The following CHN2 variants were observed in gnomAD, a reference collection of about 807,000 sequenced individuals.
CHN2 encodes the protein beta-chimaerin.
CHN2 carries 35 observed loss-of-function variants against 56.3 expected under a neutral mutation model. The observed-to-expected ratio is 0.62, with a 90% CI of 0.47 to 0.82. The LOEUF (loss-of-function observed/expected upper bound fraction) is 0.82, where lower values mean the gene tolerates loss of function less well. CHN2 is among the 40% of genes least tolerant of loss of function. CHN2 has a pLI of 0.00. For missense variants in CHN2, 491 were observed against 580.5 expected (o/e 0.85, Z 1.58); for synonymous variants, 210 against 212.8 (o/e 0.99, Z 0.12).
Position 29,198,002 on chromosome 7 carries a change from T to C in CHN2, c.49+3012T>C, listed in dbSNP as rs750899787. On this transcript the variant is annotated intron_variant, in intron 1 of 12. Coordinates refer to ENST00000222792, the MANE Select transcript of CHN2 (RefSeq NM_004067.4). Reference sequence around the variant, plus strand: ...GAGATGGGTAAGTTCATGGCATTATTTTGACTTTCTTTCTTGGGAAAGTTA... The same window carrying C: ...GAGATGGGTAAGTTCATGGCATTATCTTGACTTTCTTTCTTGGGAAAGTTA... 50 of 456,164 alleles carry C rather than the reference T, an allele frequency of 1.1e-4. No homozygotes were observed. The Middle Eastern group carries it at 2.6e-3, about 24-fold the overall frequency. 28.3% of individuals were successfully genotyped at this position (456,164 alleles called of 1,614,324 possible).
At chr7:29,250,995 C>A (rs1472315569) in intron 1 of CHN2, among the ~76,000 whole-genome samples, 1 of 152,176 alleles carries the variant, frequency 6.6e-6, no homozygotes, top group Non-Finnish European at 1.5e-5. Context: ...CAGGCATGAG[C>A]CACTGCACCC....
chr7:29,263,082 G>A (rs540460554), intron 1 of CHN2, among the ~76,000 whole-genome samples: 61 of 152,228 alleles, frequency 4.0e-4, no homozygotes, highest in Non-Finnish European at 6.5e-4. Context: ...ATGCCGAGCC[G>A]AGGCTGGACT....
At chr7:29,471,304 G>T (rs2128145118) in intron 6 of CHN2, among the ~76,000 whole-genome samples, 1 of 152,306 alleles carries the variant, frequency 6.6e-6, no homozygotes, top group East Asian at 1.9e-4. Context: ...GATCCTTAAT[G>T]CAACACAAAG....
chr7:29,272,847 T>C (rs539678947), intron 1 of CHN2, among the ~76,000 whole-genome samples: 1 of 152,288 alleles, frequency 6.6e-6, no homozygotes, highest in East Asian at 1.9e-4. Context: ...TTATAGGATA[T>C]ATATAGACAG....
chr7:29,209,307 T>A (rs1784752878), intron 1 of CHN2, among the ~76,000 whole-genome samples: 1 of 152,094 alleles, frequency 6.6e-6, no homozygotes, highest in Non-Finnish European at 1.5e-5. Context: ...AACAAAACAC[T>A]GAGAATTCCA....
At chr7:29,275,572 T>G (rs1791127034) in intron 1 of CHN2, among the ~76,000 whole-genome samples, 1 of 152,194 alleles carries the variant, frequency 6.6e-6, no homozygotes, top group Admixed American at 6.5e-5. Context: ...GAACAATTGC[T>G]AATATTTGTG....
intron 1 of CHN2, among the ~76,000 whole-genome samples, chr7:29,230,629 C>A (rs959205840): frequency 6.6e-6 from 1 of 152,174 alleles, no homozygotes; most frequent in African/African-American, 2.4e-5. Context: ...GCGTGAGCCA[C>A]CATGCCAGGC....
At chr7:29,181,136 C>T (rs559024161) in intron 2 of CHN2, among the ~76,000 whole-genome samples, 4 of 152,328 alleles carry the variant, frequency 2.6e-5, no homozygotes, top group South Asian at 4.1e-4. Context: ...TTCTAATTCT[C>T]AGTCATGATA....
At chr7:29,399,810 A>G (rs1348515582) in intron 5 of CHN2, among the ~76,000 whole-genome samples, 3 of 152,176 alleles carry the variant, frequency 2.0e-5, no homozygotes, top group South Asian at 2.1e-4. Context: ...CTATTATATC[A>G]TGCGCTCTAG....
rs1344777163 is a variant in CHN2 at position 29,351,530 on chromosome 7, T to C, written c.50-3095T>C. On this transcript the variant is annotated intron_variant, in intron 1 of 12. Coordinates refer to ENST00000222792, the MANE Select transcript of CHN2 (RefSeq NM_004067.4). Reference sequence around the variant, plus strand: ...CTCTCTGTGAGGAGAGTGACTGGCATAGGGGGAAGGCCACTTTACAGGAAC... The same window carrying C: ...CTCTCTGTGAGGAGAGTGACTGGCACAGGGGGAAGGCCACTTTACAGGAAC... Among the ~76,000 whole-genome samples the C allele has an allele frequency of 3.9e-5, 6 of 152,030 alleles. No individual in the cohort carries two copies. The South Asian group carries it at 6.2e-4, about 16-fold the overall frequency.
chr7:29,306,501 A>G (rs982679431), intron 1 of CHN2, among the ~76,000 whole-genome samples: 1 of 152,162 alleles, frequency 6.6e-6, no homozygotes, highest in Non-Finnish European at 1.5e-5. Flanking sequence ...GAGAGTGCTG[A>G]TTGGTCAGAA....
rs1390779628 is a variant in CHN2, at chr7:29,513,760, T to G, written c.*1025T>G. 2.6e-5 allele frequency: 4 copies of G among 152,656 alleles called. No homozygotes were observed. Among genetic ancestry groups the G allele is most frequent in the Non-Finnish European group, 4.4e-5 (3 of 68,044 alleles). 9.5% of individuals were successfully genotyped at this position (152,656 alleles called of 1,614,324 possible). On this transcript the variant is annotated 3_prime_UTR_variant, in exon 13 of 13. Transcript: ENST00000222792. Reference sequence around the variant, plus strand: ...ATTCTTGTTTTACAAACCTATTTTTTAAAGTGAGAATAAGGTTGGTTTTTA... The same window carrying G: ...ATTCTTGTTTTACAAACCTATTTTTGAAAGTGAGAATAAGGTTGGTTTTTA...
At chr7:29,339,743 C>G (rs1245200469) in intron 1 of CHN2, among the ~76,000 whole-genome samples, 1 of 151,854 alleles carries the variant, frequency 6.6e-6, no homozygotes. Context: ...ATCCCAGCTA[C>G]TTGGGAGGCT....
intron 9 of CHN2, among the ~76,000 whole-genome samples, chr7:29,503,867 A>G (rs1412054406): frequency 6.6e-6 from 1 of 152,224 alleles, no homozygotes; most frequent in East Asian, 1.9e-4. Flanking sequence ...TGTGACATAC[A>G]AAGTCTGAAA....
intron 2 of CHN2, among the ~76,000 whole-genome samples, chr7:29,358,957 A>G (rs530740526): frequency 8.9e-4 from 135 of 152,304 alleles, no homozygotes; most frequent in Non-Finnish European, 1.4e-3. Context: ...CCGCTTTCCT[A>G]GATTTCACCC....
chr7:29,355,560 G>A (rs1442997050), intron 2 of CHN2, among the ~76,000 whole-genome samples: 1 of 151,928 alleles, frequency 6.6e-6, no homozygotes, highest in East Asian at 1.9e-4. Flanking sequence ...GAACTCCCCA[G>A]TGAGAGAGGG....
At chr7:29,176,369 A>T (rs1306733669) in intron 2 of CHN2, among the ~76,000 whole-genome samples, 2 of 152,270 alleles carry the variant, frequency 1.3e-5, no homozygotes, top group South Asian at 4.1e-4. Context: ...AAAAAGAAAA[A>T]AAAATGCCAA....
chr7:29,487,908 C>T (rs765862046), intron 7 of CHN2, among the ~76,000 whole-genome samples: 36 of 152,274 alleles, frequency 2.4e-4, no homozygotes, highest in East Asian at 7.7e-4. Context: ...GGGAGCCACT[C>T]GAGGTTTTTG....
At chr7:29,321,635 A>G (rs1227145312) in intron 1 of CHN2, among the ~76,000 whole-genome samples, 3 of 149,576 alleles carry the variant, frequency 2.0e-5, no homozygotes, top group African/African-American at 7.4e-5. Flanking sequence ...CAATGGCACA[A>G]TCTCGGCTCA....
Sources: gnomAD v4.1 joint callset for allele counts (sites outside exome capture counted in the v4.1 genomes callset) on GRCh38, gnomAD v4.1.1 for gene constraint, MANE v1.5 for transcripts, NCBI Gene and HGNC (gene_info 2026-07-23, HGNC 2026-07-21) for gene names.